Variants in RBFOX1 observed in about 807,000 individuals in gnomAD.
RBFOX1 encodes RNA binding protein fox-1 homolog 1.
In RBFOX1, 8 loss-of-function variants were observed where a neutral mutation model predicts 57.7. The observed-to-expected ratio is 0.14, with a 90% CI of 0.08 to 0.25. The LOEUF is 0.25. Ranked by LOEUF, RBFOX1 falls within the 10% of genes least tolerant of loss-of-function variation. The probability of loss-of-function intolerance (pLI) is 1.00; values close to 1 mark genes in which losing one functional copy is unlikely to be tolerated. For synonymous variants in RBFOX1, 326 were observed against 222.4 expected (o/e 1.47, Z -4.15); for missense variants, 611 against 548.5 (o/e 1.11, Z -1.14).
At chr16:7,306,302 T>G (rs6500945) in intron 4 of RBFOX1, among the ~76,000 whole-genome samples, 101,497 of 151,984 alleles carry the variant, frequency 0.67, 34,390 homozygotes, top group East Asian at 0.8. Flanking sequence ...AACAAACATA[T>G]AAGATAAACA....
chr16:6,869,647 AG>A (rs2060529586), intron 3 of RBFOX1, among the ~76,000 whole-genome samples: 1 of 152,228 alleles, frequency 6.6e-6, no homozygotes, highest in Non-Finnish European at 1.5e-5. Flanking sequence ...CTGACGTGTT[AG>A]AACTAGGATT....
chr16:5,714,945 G>T (rs1281940273), intron 3 of RBFOX1, among the ~76,000 whole-genome samples: 1 of 152,198 alleles, frequency 6.6e-6, no homozygotes, highest in Non-Finnish European at 1.5e-5. Flanking sequence ...TCTGTTGGAT[G>T]AATGAGTAAC....
At chr16:7,651,671 A>C (rs1185148236) in intron 11 of RBFOX1, among the ~76,000 whole-genome samples, 1 of 152,324 alleles carries the variant, frequency 6.6e-6, no homozygotes, top group East Asian at 1.9e-4. Flanking sequence ...AGACAACTTT[A>C]ACATGAAATG....
At chr16:6,283,023 T>A (rs897718845) in intron 1 of RBFOX1, among the ~76,000 whole-genome samples, 4 of 152,162 alleles carry the variant, frequency 2.6e-5, no homozygotes, top group African/African-American at 9.7e-5. Flanking sequence ...TGCTCCTACA[T>A]CTGACTCTAA....
Position 7,101,153 on chromosome 16 carries a change from A to G in RBFOX1, c.27+49055A>G, listed in dbSNP as rs151190783. ...CGATGCCTGCCGTTGGTTGCTGAGT[A>G]TTAATTTAGTCAGAGCTATGCATGC... is the stretch of plus-strand genomic sequence containing the variant. On this transcript the variant is annotated intron_variant, in intron 4 of 15. Transcript: ENST00000550418. Among the ~76,000 whole-genome samples, 60 of 152,272 alleles carry G rather than the reference A, an allele frequency of 3.9e-4. 1 individual carries two copies. The East Asian group carries it at 0.011, about 29-fold the overall frequency.
chr16:7,304,214 C>CAG (rs60200317), intron 4 of RBFOX1: 13,879 of 920,612 alleles, frequency 0.015, 41 homozygotes, highest in African/African-American at 0.035. Context: ...GAGAGAGAGA[C>CAG]AGAGAGAGAG....
chr16:5,552,465 A>G (rs1307020970), intron 2 of RBFOX1, among the ~76,000 whole-genome samples: 1 of 152,224 alleles, frequency 6.6e-6, no homozygotes, highest in African/African-American at 2.4e-5. Flanking sequence ...TCCATGTTTC[A>G]GGTGAGAAAA....
intron 1 of RBFOX1, among the ~76,000 whole-genome samples, chr16:6,075,989 A>G (rs775989391): frequency 8.5e-5 from 13 of 152,162 alleles, no homozygotes; most frequent in Non-Finnish European, 1.6e-4. Context: ...TCTTCTGTAA[A>G]GAAAATTGCT....
At chr16:6,933,964 A>T (rs983807395) in intron 3 of RBFOX1, among the ~76,000 whole-genome samples, 1 of 152,224 alleles carries the variant, frequency 6.6e-6, no homozygotes, top group Non-Finnish European at 1.5e-5. Context: ...CAAAGTACTT[A>T]TCACTAAAGT....
intron 3 of RBFOX1, among the ~76,000 whole-genome samples, chr16:6,800,713 A>G (rs2085218929): frequency 6.6e-6 from 1 of 152,184 alleles, no homozygotes; most frequent in African/African-American, 2.4e-5. Context: ...AGTTTTTCCT[A>G]AAAAGACTCC....
At chr16:7,628,315 A>G (rs1313390539) in intron 10 of RBFOX1, among the ~76,000 whole-genome samples, 1 of 152,046 alleles carries the variant, frequency 6.6e-6, no homozygotes, top group Non-Finnish European at 1.5e-5. Flanking sequence ...CGACCTGATA[A>G]CTCTCTGTAT....
chr16:7,191,811 C>G (rs548313525), intron 4 of RBFOX1, among the ~76,000 whole-genome samples: 3 of 152,204 alleles, frequency 2.0e-5, no homozygotes, highest in Non-Finnish European at 4.4e-5. Flanking sequence ...TAAGCATAGC[C>G]TTCTAACCAT....
At chr16:7,148,699 C>T (rs972205166) in intron 4 of RBFOX1, among the ~76,000 whole-genome samples, 6 of 152,174 alleles carry the variant, frequency 3.9e-5, no homozygotes, top group African/African-American at 1.4e-4. Flanking sequence ...ACAGTTTTAA[C>T]ATGGTTGAAT....
chr16:7,028,956 G>A (rs2041833511), intron 3 of RBFOX1, among the ~76,000 whole-genome samples: 1 of 148,670 alleles, frequency 6.7e-6, no homozygotes, highest in South Asian at 2.1e-4. Context: ...AATGACCATA[G>A]CAGCAAGCAT....
At chr16:7,531,705 C>G (rs1474736658) in intron 5 of RBFOX1, among the ~76,000 whole-genome samples, 1 of 152,138 alleles carries the variant, frequency 6.6e-6, no homozygotes, top group Non-Finnish European at 1.5e-5. Context: ...TAAACATAGG[C>G]CTGGCAGATT....
chr16:5,554,261 A>G (rs1004377064), intron 2 of RBFOX1, among the ~76,000 whole-genome samples: 5 of 152,110 alleles, frequency 3.3e-5, no homozygotes, highest in Admixed American at 1.3e-4. Flanking sequence ...ATGAGCCACA[A>G]TGCCTGGCCT....
intron 1 of RBFOX1, among the ~76,000 whole-genome samples, chr16:6,155,521 T>C (rs534018852): frequency 6.6e-6 from 1 of 152,332 alleles, no homozygotes; most frequent in African/African-American, 2.4e-5. Context: ...CAAGGAGCTT[T>C]TAACCTCCAG....
chr16:6,867,590 C>T (rs141518608), intron 3 of RBFOX1, among the ~76,000 whole-genome samples: 52 of 151,972 alleles, frequency 3.4e-4, no homozygotes, highest in African/African-American at 6.8e-4. Flanking sequence ...GTGGTGGTAC[C>T]GGCCTGTAAT....
intron 3 of RBFOX1, among the ~76,000 whole-genome samples, chr16:6,666,762 C>T (rs772028566): frequency 6.6e-6 from 1 of 152,102 alleles, no homozygotes; most frequent in Non-Finnish European, 1.5e-5. Flanking sequence ...GTTATTGCAA[C>T]AAAACCCTCC....
Sources: gnomAD v4.1 joint callset for allele counts (sites outside exome capture counted in the v4.1 genomes callset) on GRCh38, gnomAD v4.1.1 for gene constraint, MANE v1.5 for transcripts, NCBI Gene and HGNC (gene_info 2026-07-23, HGNC 2026-07-21) for gene names.